TYW1B: variants seen among roughly 807,000 people sequenced by gnomAD.
The protein encoded by TYW1B is S-adenosyl-L-methionine-dependent tRNA 4-demethylwyosine synthase TYW1B.
In TYW1B, 73 loss-of-function variants were observed where a neutral mutation model predicts 86.9. That is an observed-to-expected ratio of 0.84 (90% CI 0.70 to 1.02). The LOEUF is 1.02. TYW1B is among the 50% of genes least tolerant of loss of function. The pLI, the probability that TYW1B is intolerant of heterozygous loss-of-function variation, is 0.00. For missense variants in TYW1B, 637 were observed against 827.4 expected (o/e 0.77, Z 2.82); for synonymous variants, 248 against 292.8 (o/e 0.85, Z 1.56).
chr7:72,643,555 C>T (rs1812855106), intron 11 of TYW1B, among the ~76,000 whole-genome samples: 1 of 151,550 alleles, frequency 6.6e-6, no homozygotes, highest in Admixed American at 6.6e-5. Context: ...ACACTGCACT[C>T]CAGCCTGGGC....
intron 7 of TYW1B, among the ~76,000 whole-genome samples, chr7:72,754,442 G>GT (rs1165774736): frequency 4.8e-5 from 7 of 147,048 alleles, no homozygotes; most frequent in African/African-American, 1.0e-4. Flanking sequence ...CACTAGGCCT[G>GT]TTTTTTTTGT....
Position 72,688,029 on chromosome 7 carries a change from A to C in TYW1B, c.1506+6658T>G, listed in dbSNP as rs556697644. 2.9e-3 allele frequency among the ~76,000 whole-genome samples: 435 copies of C among 152,074 alleles called. 3 individuals are homozygous for C. The highest frequency in any genetic ancestry group is 0.014 in the Middle Eastern group (4 of 294). ...AAATGAAATCACCATCTCCACAAAA[A>C]TAATAATAATTAATAACATATATAT... is the stretch of plus-strand genomic sequence containing the variant. On this transcript the variant is annotated intron_variant, in intron 11 of 13. Transcript: ENST00000620995.
chr7:72,728,600 C>T (rs548083382), intron 9 of TYW1B, among the ~76,000 whole-genome samples: 1 of 152,312 alleles, frequency 6.6e-6, no homozygotes, highest in African/African-American at 2.4e-5. Context: ...TGAGCCATCA[C>T]ACCTGGCCAA....
At chr7:72,649,212 T>G (rs1813004060) in intron 11 of TYW1B, among the ~76,000 whole-genome samples, 1 of 151,994 alleles carries the variant, frequency 6.6e-6, no homozygotes, top group Admixed American at 6.6e-5. Context: ...GAATACAAAA[T>G]GTAAAGAGCT....
intron 10 of TYW1B, among the ~76,000 whole-genome samples, chr7:72,706,195 G>A (rs1424430563): frequency 1.3e-5 from 2 of 152,074 alleles, no homozygotes; most frequent in South Asian, 2.1e-4. Flanking sequence ...TTGGGAGGCC[G>A]AGGTGGGGAG....
chr7:72,727,811 C>CA (rs10714290), intron 9 of TYW1B, among the ~76,000 whole-genome samples: 1,208 of 107,494 alleles, frequency 0.011, 17 homozygotes, highest in African/African-American at 0.029. Context: ...AGATCCGGTC[C>CA]AAAAAAAAAA....
chr7:72,786,235 CT>C, intron 6 of TYW1B, among the ~76,000 whole-genome samples: 1 of 152,270 alleles, frequency 6.6e-6, no homozygotes. Flanking sequence ...TTTGAACACT[CT>C]GCTGTAACCT....
intron 9 of TYW1B, among the ~76,000 whole-genome samples, chr7:72,720,077 G>A (rs1340919708): frequency 1.3e-4 from 20 of 152,092 alleles, no homozygotes; most frequent in Non-Finnish European, 4.4e-5. Context: ...TGACACTGGA[G>A]GTGGCACGAT....
At chr7:72,801,771 A>G (rs555248676) in intron 6 of TYW1B, among the ~76,000 whole-genome samples, 1 of 152,236 alleles carries the variant, frequency 6.6e-6, no homozygotes, top group African/African-American at 2.4e-5. Flanking sequence ...CTGGATTCCT[A>G]GGGGCCCCAC....
intron 7 of TYW1B, among the ~76,000 whole-genome samples, chr7:72,774,583 G>A (rs180763377): frequency 1.3e-5 from 2 of 151,850 alleles, no homozygotes; most frequent in African/African-American, 2.4e-5. Flanking sequence ...TTAGCCAGGC[G>A]TGGTAGTGGC....
chr7:72,815,887 G>C lies in TYW1B; in HGVS notation c.136-406C>G, dbSNP rs1408872594. ...ATAAAAAAAATTTAAAAATTAGCCA[G>C]GTGTGATGGTACACACCTGTAGTCC... On this transcript the variant is annotated intron_variant, in intron 2 of 13. Transcript: ENST00000620995. 3.3e-5 allele frequency among the ~76,000 whole-genome samples: 5 copies of C among 151,972 alleles called. No individual in the cohort carries two copies. The East Asian group carries it at 9.6e-4, about 29-fold the overall frequency.
At chr7:72,642,500 T>A (rs1375039231) in intron 11 of TYW1B, among the ~76,000 whole-genome samples, 1 of 152,198 alleles carries the variant, frequency 6.6e-6, no homozygotes, top group Non-Finnish European at 1.5e-5. Flanking sequence ...CCCAGCAGTA[T>A]TACTCATAAC....
intron 2 of TYW1B, among the ~76,000 whole-genome samples, chr7:72,818,303 C>T (rs558189450): frequency 1.3e-4 from 19 of 151,760 alleles, no homozygotes; most frequent in Non-Finnish European, 1.9e-4. Flanking sequence ...AATACCCGGC[C>T]GGGCATGGTG....
chr7:72,723,137 G>C, intron 9 of TYW1B: 1 of 592,204 alleles, frequency 1.7e-6, no homozygotes, highest in Non-Finnish European at 2.6e-6. Context: ...CTTGTATATA[G>C]ATTATAAATA....
chr7:72,659,500 C>T (rs1813281068), intron 11 of TYW1B, among the ~76,000 whole-genome samples: 1 of 152,158 alleles, frequency 6.6e-6, no homozygotes, highest in Non-Finnish European at 1.5e-5. Context: ...ATCACTTGAA[C>T]CCGGGAGGCT....
chr7:72,780,923 A>C (rs547716328), intron 6 of TYW1B, among the ~76,000 whole-genome samples: 1 of 152,052 alleles, frequency 6.6e-6, no homozygotes, highest in African/African-American at 2.4e-5. Flanking sequence ...ACAATATAAC[A>C]ACCATGTAAG....
intron 8 of TYW1B, among the ~76,000 whole-genome samples, chr7:72,730,912 C>T (rs1409110939): frequency 7.4e-6 from 1 of 134,898 alleles, no homozygotes; most frequent in Non-Finnish European, 1.6e-5. Flanking sequence ...CTAAAAATTC[C>T]TAAAATGGAT....
intron 7 of TYW1B, among the ~76,000 whole-genome samples, chr7:72,767,197 T>C (rs1787785195): frequency 1.3e-5 from 2 of 152,182 alleles, no homozygotes; most frequent in Admixed American, 1.3e-4. Flanking sequence ...CAACGTCATC[T>C]GCCCAGCAAC....
At chr7:72,716,566 T>C (rs1554456082) in intron 9 of TYW1B, among the ~76,000 whole-genome samples, 3 of 152,294 alleles carry the variant, frequency 2.0e-5, no homozygotes, top group African/African-American at 4.8e-5. Context: ...TCAGTAGGGA[T>C]AGCACCATGT....
Sources: gnomAD v4.1 joint callset for allele counts (sites outside exome capture counted in the v4.1 genomes callset) on GRCh38, gnomAD v4.1.1 for gene constraint, MANE v1.5 for transcripts, NCBI Gene and HGNC (gene_info 2026-07-23, HGNC 2026-07-21) for gene names.